ZBTB20: variants seen among roughly 807,000 people sequenced by gnomAD.
ZBTB20 encodes the protein zinc finger and BTB domain-containing protein 20.
ZBTB20 carries 9 observed loss-of-function variants against 56.9 expected under a neutral mutation model. The ratio of observed to expected loss-of-function variants is 0.16; its 90% CI spans 0.10 to 0.28. The LOEUF (loss-of-function observed/expected upper bound fraction) is 0.28, where lower values mean the gene tolerates loss of function less well. Among genes scored for constraint, ZBTB20 ranks in the 10% least tolerant of loss-of-function variants. ZBTB20 has a pLI of 1.00. For synonymous variants in ZBTB20, 417 were observed against 420.7 expected (o/e 0.99, Z 0.11); for missense variants, 655 against 1,003.0 (o/e 0.65, Z 4.69).
intron 2 of ZBTB20, among the ~76,000 whole-genome samples, chr3:115,053,021 T>G (rs777623788): frequency 6.6e-5 from 10 of 152,228 alleles, no homozygotes; most frequent in Non-Finnish European, 1.3e-4. Context: ...ATCTGAATGC[T>G]GACATCACTG....
intron 5 of ZBTB20, among the ~76,000 whole-genome samples, chr3:114,783,149 T>A (rs2070236630): frequency 6.6e-6 from 1 of 152,170 alleles, no homozygotes; most frequent in South Asian, 2.1e-4. Flanking sequence ...GACAATTAAA[T>A]TAATAATTAT....
intron 7 of ZBTB20, among the ~76,000 whole-genome samples, chr3:114,496,774 A>C (rs1258775866): frequency 6.6e-6 from 1 of 152,224 alleles, no homozygotes; most frequent in East Asian, 1.9e-4. Flanking sequence ...TTTGCTTAGA[A>C]AAAGGGAGCA....
In ZBTB20 at chr3:115,059,174, A is replaced by G. The variant is rs1023246013; in HGVS notation, c.-507+12045T>C. Reference sequence around the variant, plus strand: ...ATTTCTGAACGTTTTTTCATTGGTAATTTTTTTCCCAGTTACATGTCACAT... The same window carrying G: ...ATTTCTGAACGTTTTTTCATTGGTAGTTTTTTTCCCAGTTACATGTCACAT... On this transcript the variant is annotated intron_variant, in intron 2 of 11. Transcript: ENST00000675478. Among the ~76,000 whole-genome samples the G allele has an allele frequency of 2.2e-4, 33 of 151,912 alleles. 1 individual carries two copies. The highest frequency in any genetic ancestry group is 2.1e-3 in the Admixed American group (32 of 15,254).
At chr3:115,048,098 G>A (rs574385278) in intron 2 of ZBTB20, among the ~76,000 whole-genome samples, 14 of 152,152 alleles carry the variant, frequency 9.2e-5, no homozygotes, top group South Asian at 2.1e-4. Flanking sequence ...GGTGGCGGGC[G>A]CCTGTGGTCC....
At position 114,546,558 on chromosome 3, in the gene ZBTB20, CTT is replaced by C. The variant is rs10719460; in HGVS notation, c.-294-46169_-294-46168del. ...GAGTCCTTCCTTTTGCAACATACAC[CTT>C]TTTTTTTTTTTTTTAATCCAGACTG... On this transcript the variant is annotated intron_variant, in intron 6 of 11. Transcript: ENST00000675478. Among the ~76,000 whole-genome samples the C allele has an allele frequency of 4.1e-3, 581 of 141,038 alleles. 2 individuals carry two copies. Among genetic ancestry groups the C allele is most frequent in the East Asian group, 5.0e-3 (24 of 4,804 alleles). 92.5% of individuals were successfully genotyped at this position (141,038 alleles called of 152,430 possible).
chr3:115,004,307 G>A (rs2079378010), intron 2 of ZBTB20, among the ~76,000 whole-genome samples: 2 of 151,600 alleles, frequency 1.3e-5, no homozygotes, highest in Admixed American at 1.3e-4. Flanking sequence ...GCACTGCTAT[G>A]GTCTAAAATG....
intron 6 of ZBTB20, among the ~76,000 whole-genome samples, chr3:114,676,876 G>A (rs1043375279): frequency 6.6e-6 from 1 of 150,580 alleles, no homozygotes; most frequent in Non-Finnish European, 1.5e-5. Flanking sequence ...CCTGGTTCAA[G>A]CGATTCTCCT....
At chr3:114,753,332 T>TAATGTATAC (rs2067719550) in intron 5 of ZBTB20, among the ~76,000 whole-genome samples, 1 of 122,094 alleles carries the variant, frequency 8.2e-6, no homozygotes, top group Non-Finnish European at 1.8e-5. Context: ...TACCTGTATA[T>TAATGTATAC]ATAATGTATA....
At chr3:115,030,080 T>C (rs1054079431) in intron 2 of ZBTB20, among the ~76,000 whole-genome samples, 1 of 151,102 alleles carries the variant, frequency 6.6e-6, no homozygotes, top group African/African-American at 2.4e-5. Flanking sequence ...CACATAGTGT[T>C]AAACGGAGAA....
chr3:114,450,399 A>G (rs1453978327), intron 7 of ZBTB20, among the ~76,000 whole-genome samples: 1 of 152,208 alleles, frequency 6.6e-6, no homozygotes, highest in East Asian at 1.9e-4. Context: ...CGCTGAAGGA[A>G]AAAAGGCTTT....
intron 1 of ZBTB20, among the ~76,000 whole-genome samples, chr3:115,107,992 G>T (rs988089900): frequency 5.3e-5 from 8 of 152,134 alleles, no homozygotes; most frequent in African/African-American, 1.4e-4. Flanking sequence ...GTCGGCGGGT[G>T]GGGGGTGAGA....
chr3:114,837,767 T>C (rs994082134), intron 4 of ZBTB20, among the ~76,000 whole-genome samples: 1 of 152,066 alleles, frequency 6.6e-6, no homozygotes, highest in African/African-American at 2.4e-5. Context: ...CAGCCAATAC[T>C]AAAGGAGAGG....
chr3:114,805,768 C>G (rs2072057846), intron 4 of ZBTB20, among the ~76,000 whole-genome samples: 1 of 151,838 alleles, frequency 6.6e-6, no homozygotes, highest in Non-Finnish European at 1.5e-5. Context: ...GAGTCAATCC[C>G]TAGACCCAGA....
At chr3:114,511,076 CTT>C (rs2045318572) in intron 6 of ZBTB20, among the ~76,000 whole-genome samples, 1 of 144,330 alleles carries the variant, frequency 6.9e-6, no homozygotes, top group Non-Finnish European at 1.5e-5. Flanking sequence ...CTGAAAAAAG[CTT>C]TTATAGACTC....
At chr3:115,075,361 A>G (rs1429467249) in intron 1 of ZBTB20, among the ~76,000 whole-genome samples, 3 of 152,206 alleles carry the variant, frequency 2.0e-5, no homozygotes, top group Admixed American at 6.5e-5. Context: ...GATACTTCAT[A>G]TAAGTGGAAT....
In ZBTB20 at chr3:115,066,223, C is replaced by T. The variant is rs553483736; in HGVS notation, c.-507+4996G>A. ...CCTAAGTTTCTACCCTCAATTCCTT[C>T]CTGACCTCTGGCTGGCCACCAACCT... is the stretch of plus-strand genomic sequence containing the variant. On this transcript the variant is annotated intron_variant, in intron 2 of 11. Coordinates refer to ENST00000675478, the MANE Select transcript of ZBTB20 (RefSeq NM_001348800.3). Among the ~76,000 whole-genome samples the T allele has an allele frequency of 2.0e-5, 3 of 152,122 alleles. No individual in the cohort carries two copies. The East Asian group carries it at 5.8e-4, about 29-fold the overall frequency.
At chr3:114,497,977 G>A (rs1423089592) in intron 7 of ZBTB20, among the ~76,000 whole-genome samples, 1 of 152,202 alleles carries the variant, frequency 6.6e-6, no homozygotes, top group Non-Finnish European at 1.5e-5. Flanking sequence ...ACTGGCTGGG[G>A]TGACAGTAAG....
chr3:114,520,381 A>G (rs927349677), intron 6 of ZBTB20, among the ~76,000 whole-genome samples: 7 of 152,306 alleles, frequency 4.6e-5, no homozygotes, highest in Middle Eastern at 6.8e-3. Context: ...TGACTACGTG[A>G]TCTCATGTAC....
Position 115,100,759 on chromosome 3 carries a change from T to C in ZBTB20, c.-702-29345A>G, listed in dbSNP as rs181908132. On this transcript the variant is annotated intron_variant, in intron 1 of 11. Transcript: ENST00000675478. The stretch of plus-strand genomic sequence containing the variant: ...TATAAGCAGGAAATAGTGAAATGCA[T>C]AGCTTATTTGTGCAATCTTTTAAAT... Among the ~76,000 whole-genome samples the C allele has an allele frequency of 1.8e-3, 273 of 152,350 alleles. 3 individuals carry two copies. Among genetic ancestry groups the C allele is most frequent in the Admixed American group, 5.3e-3 (81 of 15,296 alleles).
Sources: allele counts gnomAD v4.1 joint callset (sites outside exome capture counted in the v4.1 genomes callset), GRCh38; gene constraint gnomAD v4.1.1; transcripts MANE v1.5; gene names NCBI Gene and HGNC (gene_info 2026-07-23, HGNC 2026-07-21).